The following RTL4 variants were observed in gnomAD, a reference collection of about 807,000 sequenced individuals.
The protein encoded by RTL4 is retrotransposon Gag-like protein 4.
A neutral mutation model predicts 5.3 loss-of-function variants in RTL4; 4 were observed. The observed-to-expected ratio is 0.75, with a 90% CI of 0.37 to 1.72. RTL4 has a LOEUF of 1.72. Among genes scored for constraint, RTL4 ranks in the 40% most tolerant of loss-of-function variants. RTL4 has a pLI of 0.04. For missense variants in RTL4, 260 were observed against 227.1 expected (o/e 1.14, Z -0.93); for synonymous variants, 98 against 87.3 (o/e 1.12, Z -0.68).
the RTL4 span, among the ~76,000 whole-genome samples, chrX:112,170,139 C>T: frequency 8.9e-6 from 1 of 111,779 alleles, no homozygotes; most frequent in South Asian, 3.7e-4. Context: ...TGTACCAGTA[C>T]CATGCTGTTT....
the RTL4 span, among the ~76,000 whole-genome samples, chrX:112,174,581 C>T: frequency 1.0e-5 from 1 of 98,618 alleles, no homozygotes; most frequent in Non-Finnish European, 2.0e-5. Context: ...ATTTATAGTC[C>T]TTTGGGTATA....
At chrX:112,195,902 G>A in the RTL4 span, among the ~76,000 whole-genome samples, 26 of 111,019 alleles carry the variant, frequency 2.3e-4, no homozygotes, top group Non-Finnish European at 3.0e-4. Flanking sequence ...TTTTTGAGTG[G>A]CCCAAATTCG....
At chrX:112,382,332 T>G in the RTL4 span, 9 of 513,542 alleles carry the variant, frequency 1.8e-5, no homozygotes, top group Non-Finnish European at 2.9e-5. Flanking sequence ...GTAAAATCTC[T>G]ATCATGATGT....
chrX:112,257,904 C>CGTATATATATATATATATGTGT, the RTL4 span, among the ~76,000 whole-genome samples: 1 of 103,833 alleles, frequency 9.6e-6, no homozygotes, highest in African/African-American at 3.6e-5. Flanking sequence ...TATATATATA[C>CGTATATATATATATATATGTGT]ACATATATAT....
chrX:112,434,791 A>G, the RTL4 span, among the ~76,000 whole-genome samples: 4 of 111,639 alleles, frequency 3.6e-5, no homozygotes, highest in South Asian at 1.5e-3. Flanking sequence ...TTTACCATGG[A>G]TCTCTTCGGC....
chrX:112,143,177 C>T, the RTL4 span, among the ~76,000 whole-genome samples: 1 of 111,309 alleles, frequency 9.0e-6, no homozygotes, highest in Middle Eastern at 4.3e-3. Flanking sequence ...ATTTATATAG[C>T]AATAGTTAGA....
chrX:112,446,202 C>G, the RTL4 span, among the ~76,000 whole-genome samples: 1 of 112,150 alleles, frequency 8.9e-6, no homozygotes, highest in East Asian at 2.8e-4. Context: ...GTTGAAAATA[C>G]CATTATCTTT....
At chrX:112,101,967 C>A in the RTL4 span, among the ~76,000 whole-genome samples, 86 of 110,845 alleles carry the variant, frequency 7.8e-4, no homozygotes, top group Non-Finnish European at 1.4e-3. Context: ...TACAGCCTTT[C>A]AAGAGACTGT....
At chrX:112,330,061 T>G in the RTL4 span, among the ~76,000 whole-genome samples, 1 of 100,701 alleles carries the variant, frequency 9.9e-6, no homozygotes, top group African/African-American at 3.7e-5. Context: ...TCATACTGAA[T>G]GGGCAAAAAC....
At chrX:112,237,563 C>G in the RTL4 span, among the ~76,000 whole-genome samples, 1 of 112,350 alleles carries the variant, frequency 8.9e-6, no homozygotes, top group Non-Finnish European at 1.9e-5. Context: ...TCCCGTATTA[C>G]TCTAGTTTAA....
At chrX:112,218,812 A>G in the RTL4 span, among the ~76,000 whole-genome samples, 1 of 112,213 alleles carries the variant, frequency 8.9e-6, no homozygotes, top group South Asian at 3.6e-4. Context: ...TGGTTTGAAG[A>G]CCTGAGTGCC....
At chrX:112,290,382 T>A in the RTL4 span, among the ~76,000 whole-genome samples, 3 of 111,694 alleles carry the variant, frequency 2.7e-5, no homozygotes, top group Non-Finnish European at 3.8e-5. Flanking sequence ...TGTTTTTAAA[T>A]TTAAAAAACG....
the RTL4 span, among the ~76,000 whole-genome samples, chrX:112,151,711 C>T: frequency 8.9e-6 from 1 of 112,021 alleles, no homozygotes; most frequent in Non-Finnish European, 1.9e-5. Context: ...TTTATTCCTA[C>T]AGTCTCACCT....
the RTL4 span, among the ~76,000 whole-genome samples, chrX:112,398,967 T>A: frequency 1.8e-5 from 2 of 112,405 alleles, no homozygotes; most frequent in East Asian, 5.6e-4. Context: ...AGTTTCAAAG[T>A]GTGAAGTTAA....
At chrX:112,301,551 A>G in the RTL4 span, among the ~76,000 whole-genome samples, 1 of 111,140 alleles carries the variant, frequency 9.0e-6, no homozygotes, top group Admixed American at 9.6e-5. Context: ...AGAAGCAGAC[A>G]GTTTTTTTTT....
At chrX:112,333,883 G>A in the RTL4 span, among the ~76,000 whole-genome samples, 1 of 110,754 alleles carries the variant, frequency 9.0e-6, no homozygotes, top group African/African-American at 3.3e-5. Flanking sequence ...CTATCAAATA[G>A]TAGGTCTTAT....
the RTL4 span, among the ~76,000 whole-genome samples, chrX:112,163,916 G>T: frequency 1.8e-5 from 2 of 111,802 alleles, no homozygotes; most frequent in Non-Finnish European, 3.8e-5. Flanking sequence ...GGCAGGAATT[G>T]CATGAGCCTC....
the RTL4 span, among the ~76,000 whole-genome samples, chrX:112,225,613 A>G: frequency 8.9e-6 from 1 of 111,969 alleles, no homozygotes; most frequent in East Asian, 2.8e-4. Flanking sequence ...ATGAGCCCAG[A>G]TCATCTCCAA....
the RTL4 span, among the ~76,000 whole-genome samples, chrX:112,110,140 G>A: frequency 2.6e-4 from 29 of 111,738 alleles, no homozygotes; most frequent in Non-Finnish European, 4.0e-4. Context: ...GTCTGATTTC[G>A]GAATCCTTTT....
Sources: gnomAD v4.1 joint callset for allele counts (sites outside exome capture counted in the v4.1 genomes callset) on GRCh38, gnomAD v4.1.1 for gene constraint, MANE v1.5 for transcripts, NCBI Gene and HGNC (gene_info 2026-07-23, HGNC 2026-07-21) for gene names.